The following SNX24 variants were observed in gnomAD, a reference collection of about 807,000 sequenced individuals.
SNX24 encodes sorting nexin-24.
Under a neutral mutation model 28.7 loss-of-function variants are expected in SNX24, and 22 were observed. The observed-to-expected ratio is 0.77, with a 90% CI of 0.55 to 1.10. The LOEUF is 1.10. Ranked by LOEUF, SNX24 falls within the 50% of genes least tolerant of loss-of-function variation. SNX24 has a pLI of 0.00. For synonymous variants in SNX24, 69 were observed against 71.5 expected, an observed-to-expected ratio of 0.96 and a Z score of 0.18; for missense variants, 221 against 201.1, an observed-to-expected ratio of 1.10 and a Z score of -0.60.
intron 5 of SNX24, among the ~76,000 whole-genome samples, chr5:123,026,447 C>A (rs1762855135): frequency 6.6e-6 from 1 of 152,150 alleles, no homozygotes; most frequent in South Asian, 2.1e-4. Flanking sequence ...CAATATATAC[C>A]CACACCGAAT....
At chr5:122,922,767 T>C (rs1758496232) in intron 1 of SNX24, among the ~76,000 whole-genome samples, 1 of 152,186 alleles carries the variant, frequency 6.6e-6, no homozygotes, top group South Asian at 2.1e-4. Flanking sequence ...GGTAATCGCT[T>C]TCTAAAACCT....
At chr5:122,993,867 TTCAGTGGTGAACTTTG>T (rs2150169101) in intron 3 of SNX24, among the ~76,000 whole-genome samples, 1 of 152,284 alleles carries the variant, frequency 6.6e-6, no homozygotes. Flanking sequence ...GAAGAAAAGC[TTCAGTGGTGAACTTTG>T]TCACCCCAGC....
At chr5:122,851,346 A>G (rs1336122241) in intron 1 of SNX24, among the ~76,000 whole-genome samples, 1 of 152,004 alleles carries the variant, frequency 6.6e-6, no homozygotes, top group African/African-American at 2.4e-5. Context: ...TTGTATTTTT[A>G]GTAGAGATGG....
intron 1 of SNX24, among the ~76,000 whole-genome samples, chr5:122,912,811 T>C (rs905555210): frequency 6.7e-6 from 1 of 149,832 alleles, no homozygotes; most frequent in Admixed American, 6.7e-5. Context: ...AGGACAGTAG[T>C]GGAGGGAAGG....
At chr5:122,929,561 A>G (rs1272859074) in intron 1 of SNX24, among the ~76,000 whole-genome samples, 1 of 152,096 alleles carries the variant, frequency 6.6e-6, no homozygotes, top group African/African-American at 2.4e-5. Flanking sequence ...ACTGCACCAA[A>G]TCATAGTACA....
chr5:123,023,424 T>C (rs1762792555), intron 5 of SNX24: 1 of 152,616 alleles, frequency 6.6e-6, no homozygotes, highest in South Asian at 2.1e-4. Context: ...CAAAGCACCC[T>C]TTTGTCAGAA....
In SNX24 at chr5:122,886,372, T is replaced by A. The variant is rs569334908; in HGVS notation, c.60+40679T>A. 3.9e-5 allele frequency among the ~76,000 whole-genome samples: 6 copies of A among 152,264 alleles called. No homozygotes were observed. In the South Asian group the frequency reaches 1.2e-3, roughly 32 times the overall value. ...CTGTTTATCAAACTTAATTCCTGTC[T>A]CTCTCTCTCCTCTCTTCTATTAGGT... On this transcript the variant is annotated intron_variant, in intron 1 of 6. Transcript: ENST00000261369.
Position 122,946,064 on chromosome 5 carries a change from T to A in SNX24, c.154T>A (p.Cys52Ser). ...TATTCTGTCTTTATAGCTTAAGAAA[T>A]GTATAAAAACTCCAGAAATCCCTTC... ...FHALHKKLKK[C>S]IKTPEIPSKH... The change falls in exon 3 of 7, where the codon TGT (cysteine) becomes AGT (serine). Residue 52 changes from cysteine to serine, a missense_variant. Cys to Ser is a moderately radical substitution (Grantham distance 112, BLOSUM62 -1). Coordinates refer to ENST00000261369, the MANE Select transcript of SNX24 (RefSeq NM_014035.4). 1 of 1,567,910 alleles carries A rather than the reference T, an allele frequency of 6.4e-7. No individual in the cohort carries two copies. The highest frequency in any genetic ancestry group is 1.7e-5 in the Admixed American group (1 of 57,906).
intron 1 of SNX24, among the ~76,000 whole-genome samples, chr5:122,921,516 C>G (rs190844231): frequency 7.0e-4 from 107 of 152,184 alleles, no homozygotes; most frequent in Non-Finnish European, 1.3e-3. Flanking sequence ...AGATCCACAG[C>G]TGTACTGTCT....
chr5:123,019,344 T>G (rs763672789), intron 5 of SNX24, among the ~76,000 whole-genome samples: 45 of 150,784 alleles, frequency 3.0e-4, no homozygotes, highest in Admixed American at 2.6e-3. Flanking sequence ...GCTTTCTAGA[T>G]CAAAGATTTC....
chr5:122,946,871 A>T (rs1289759847), intron 3 of SNX24, among the ~76,000 whole-genome samples: 1 of 152,164 alleles, frequency 6.6e-6, no homozygotes, highest in Non-Finnish European at 1.5e-5. Context: ...TCCAAAGAAC[A>T]CTGTGCAGGG....
At chr5:122,965,418 ATTGT>A (rs1760677579) in intron 3 of SNX24, 2 of 454,574 alleles carry the variant, frequency 4.4e-6, no homozygotes, top group Admixed American at 2.4e-5. Flanking sequence ...GGAAAGATTA[ATTGT>A]TTGTTTTGTT....
At chr5:122,969,944 A>G (rs556383540) in intron 3 of SNX24, among the ~76,000 whole-genome samples, 20 of 152,044 alleles carry the variant, frequency 1.3e-4, no homozygotes, top group Non-Finnish European at 2.5e-4. Context: ...CTCTTGTACT[A>G]TTTTGGAAAA....
chr5:122,863,993 T>C lies in SNX24; in HGVS notation c.60+18300T>C, dbSNP rs76308415. Among the ~76,000 whole-genome samples, 64 of 152,288 alleles carry C rather than the reference T, an allele frequency of 4.2e-4. No individual in the cohort carries two copies. In the East Asian group the frequency reaches 0.012, roughly 29 times the overall value. On this transcript the variant is annotated intron_variant, in intron 1 of 6. Coordinates refer to ENST00000261369, the MANE Select transcript of SNX24 (RefSeq NM_014035.4). ...TGATTCAGTATTTATTGATCACCAA[T>C]CATGTGCCAGGAACTGTTCTAGATG...
At chr5:122,874,421 T>A (rs1391573987) in intron 1 of SNX24, among the ~76,000 whole-genome samples, 1 of 152,194 alleles carries the variant, frequency 6.6e-6, no homozygotes. Context: ...GTGTGAAAGA[T>A]AGGAAAGCAG....
chr5:122,868,310 G>A (rs980393976), intron 1 of SNX24, among the ~76,000 whole-genome samples: 3 of 152,100 alleles, frequency 2.0e-5, no homozygotes, highest in Non-Finnish European at 4.4e-5. Context: ...TTTATAGCTT[G>A]ATGGGTCAGA....
At chr5:122,920,142 A>T (rs1758370338) in intron 1 of SNX24, among the ~76,000 whole-genome samples, 1 of 152,150 alleles carries the variant, frequency 6.6e-6, no homozygotes, top group Non-Finnish European at 1.5e-5. Flanking sequence ...GAGGTGTGAA[A>T]AGTTTGGAAA....
intron 1 of SNX24, among the ~76,000 whole-genome samples, chr5:122,883,487 C>T (rs1182992802): frequency 6.6e-6 from 1 of 152,070 alleles, no homozygotes; most frequent in African/African-American, 2.4e-5. Flanking sequence ...AAATTTTAAA[C>T]TTCTTTCGTT....
At chr5:122,932,393 C>G (rs1173687128) in intron 1 of SNX24, among the ~76,000 whole-genome samples, 1 of 152,182 alleles carries the variant, frequency 6.6e-6, no homozygotes, top group African/African-American at 2.4e-5. Flanking sequence ...ATCCCACCTA[C>G]TCTGGAGGCT....
Sources: gnomAD v4.1 joint callset for allele counts (sites outside exome capture counted in the v4.1 genomes callset) on GRCh38, gnomAD v4.1.1 for gene constraint, MANE v1.5 for transcripts, NCBI Gene and HGNC (gene_info 2026-07-23, HGNC 2026-07-21) for gene names.